HTATIP2: variants seen among roughly 807,000 people sequenced by gnomAD.
HTATIP2 encodes the protein HIV-1 Tat interactive protein 2.
Under a neutral mutation model 24.7 loss-of-function variants are expected in HTATIP2, and 26 were observed. The ratio of observed to expected loss-of-function variants is 1.05; its 90% CI spans 0.77 to 1.46. The LOEUF (loss-of-function observed/expected upper bound fraction) is 1.46. Among genes scored for constraint, HTATIP2 ranks in the 40% most tolerant of loss-of-function variants. The pLI is 0.00. For synonymous variants in HTATIP2, 99 were observed against 113.2 expected (o/e 0.87, Z 0.79); for missense variants, 284 against 289.6 (o/e 0.98, Z 0.14).
At chr11:20,375,507 G>T (rs190535768) in intron 2 of HTATIP2, among the ~76,000 whole-genome samples, 13 of 152,322 alleles carry the variant, frequency 8.5e-5, no homozygotes, top group Non-Finnish European at 1.5e-4. Flanking sequence ...GGAGGCAGAG[G>T]TTGTGGTGAG....
intron 2 of HTATIP2, chr11:20,367,657 G>A: frequency 1.7e-6 from 2 of 1,204,698 alleles, no homozygotes; most frequent in South Asian, 5.0e-5. Context: ...AATTTGAAAT[G>A]TTCTGTCTCA....
chr11:20,375,250 A>C lies in HTATIP2; in HGVS notation c.304-1330A>C, dbSNP rs184228731. 3.9e-5 allele frequency among the ~76,000 whole-genome samples: 6 copies of C among 152,168 alleles called. No individual in the cohort carries two copies. In the East Asian group the frequency reaches 1.2e-3, roughly 29 times the overall value. ...CCAAATAGAACATTTAGAATCAGTA[A>C]CTACTGAGGAGCAAATTTTTTAATT... On this transcript the variant is annotated intron_variant, in intron 2 of 4. Coordinates refer to ENST00000451739, the MANE Select transcript of HTATIP2 (RefSeq NM_001098522.2).
chr11:20,370,578 C>T (rs928536574), intron 2 of HTATIP2, among the ~76,000 whole-genome samples: 3 of 152,202 alleles, frequency 2.0e-5, no homozygotes, highest in Non-Finnish European at 4.4e-5. Context: ...ATGATCTGCT[C>T]TTCTAATTCA....
Sources: gnomAD v4.1 joint callset for allele counts (sites outside exome capture counted in the v4.1 genomes callset) on GRCh38, gnomAD v4.1.1 for gene constraint, MANE v1.5 for transcripts, NCBI Gene and HGNC (gene_info 2026-07-23, HGNC 2026-07-21) for gene names.